The following CTBP2 variants were observed in gnomAD, a reference collection of about 807,000 sequenced individuals.
CTBP2 encodes the protein C-terminal binding protein 2.
A neutral mutation model predicts 80.3 loss-of-function variants in CTBP2; 30 were observed. The observed-to-expected ratio is 0.37, with a 90% CI of 0.28 to 0.51. The LOEUF (loss-of-function observed/expected upper bound fraction) is 0.51. CTBP2 is among the 20% of genes least tolerant of loss of function. The pLI, the probability that CTBP2 is intolerant of heterozygous loss-of-function variation, is 0.93. For synonymous variants in CTBP2, 594 were observed against 587.4 expected (o/e 1.01, Z -0.16); for missense variants, 1,212 against 1,375.3 (o/e 0.88, Z 1.88).
intron 1 of CTBP2, among the ~76,000 whole-genome samples, chr10:125,159,259 A>G (rs1861501477): frequency 6.7e-6 from 1 of 150,030 alleles, no homozygotes; most frequent in East Asian, 2.0e-4. Flanking sequence ...CCCTCCTGCT[A>G]AACTTTTTCT....
chr10:125,053,473 G>T (rs1963235749), intron 2 of CTBP2, among the ~76,000 whole-genome samples: 1 of 152,168 alleles, frequency 6.6e-6, no homozygotes, highest in East Asian at 1.9e-4. Flanking sequence ...GTCCTCTCCA[G>T]GCCCCTCCCA....
At chr10:125,082,310 G>A (rs1847292950) in intron 2 of CTBP2, among the ~76,000 whole-genome samples, 1 of 152,098 alleles carries the variant, frequency 6.6e-6, no homozygotes, top group South Asian at 2.1e-4. Flanking sequence ...TTAAGTCCTC[G>A]TCCATGCTCC....
At chr10:125,123,127 G>C (rs1854610352) in intron 1 of CTBP2, among the ~76,000 whole-genome samples, 1 of 152,226 alleles carries the variant, frequency 6.6e-6, no homozygotes. Flanking sequence ...CTGGGTCTTA[G>C]AAGCTGGTCA....
At position 125,111,063 on chromosome 10, in the gene CTBP2, T is replaced by C. The variant is rs938990826; in HGVS notation, c.-175A>G. On this transcript the variant is annotated 5_prime_UTR_variant, in exon 2 of 11. It removes an upstream start codon present in the reference 5' UTR. Transcript: ENST00000337195. ...GTCTTTTTAAGGGAATACACCTTCA[T>C]TGGTTCAAAACCATTTAAGGTGATG... The C allele has an allele frequency of 1.3e-5, 2 of 152,646 alleles. No homozygotes were observed. The highest frequency in any genetic ancestry group is 2.9e-5 in the Non-Finnish European group (2 of 68,044). 9.5% of individuals were successfully genotyped at this position (152,646 alleles called of 1,614,324 possible).
intron 8 of CTBP2, among the ~76,000 whole-genome samples, chr10:124,991,899 G>GT (rs1274484882): frequency 9.8e-6 from 1 of 102,306 alleles, no homozygotes; most frequent in Non-Finnish European, 2.0e-5. Flanking sequence ...ATAATGGGGG[G>GT]GGGGGTGTGG....
At chr10:125,123,184 G>A (rs529159993) in intron 1 of CTBP2, among the ~76,000 whole-genome samples, 88 of 152,114 alleles carry the variant, frequency 5.8e-4, no homozygotes, top group African/African-American at 2.0e-3. Flanking sequence ...GCTGGGGACC[G>A]TCCTGGCCAC....
intron 1 of CTBP2, among the ~76,000 whole-genome samples, chr10:125,017,207 G>A (rs753066229): frequency 3.3e-5 from 5 of 152,242 alleles, no homozygotes; most frequent in Admixed American, 6.5e-5. Context: ...AAGGTGACAC[G>A]CAGGAGGCTG....
rs1425854687 is a variant in CTBP2 at position 125,088,600 on chromosome 10, T to C, written c.-102+22390A>G. On this transcript the variant is annotated intron_variant, in intron 2 of 10. Coordinates refer to the CTBP2 transcript ENST00000337195. The stretch of plus-strand genomic sequence containing the variant: ...CCCGGATAACCTCAGGATTGATCAC[T>C]ATTGCTCATTACCTTCTGAACTGCA... Among the ~76,000 whole-genome samples, 3 of 152,270 alleles carry C rather than the reference T, an allele frequency of 2.0e-5. No homozygotes were observed. In the East Asian group the frequency reaches 5.8e-4, roughly 29 times the overall value.
At position 125,014,848 on chromosome 10, in the gene CTBP2, C is replaced by T. The variant is rs570619325; in HGVS notation, c.1678+11234G>A. 3.9e-5 allele frequency among the ~76,000 whole-genome samples: 6 copies of T among 152,346 alleles called. No individual in the cohort carries two copies. In the East Asian group the frequency reaches 1.2e-3, roughly 29 times the overall value. On this transcript the variant is annotated intron_variant, in intron 1 of 8. Transcript: ENST00000309035. ...CTCTCCAGGTTGAGCCACCAGCAGC[C>T]GCCTTGGCCGGCAGGGACGCCCTTC...
chr10:125,023,031 C>T (rs1957206580), intron 1 of CTBP2, among the ~76,000 whole-genome samples: 1 of 152,192 alleles, frequency 6.6e-6, no homozygotes, highest in Non-Finnish European at 1.5e-5. Context: ...ACCGAGGCCA[C>T]ACGAAAAGAA....
intron 1 of CTBP2, among the ~76,000 whole-genome samples, chr10:125,148,173 G>A (rs1220400337): frequency 2.6e-5 from 4 of 152,192 alleles, no homozygotes; most frequent in Non-Finnish European, 5.9e-5. Context: ...GTGTTTGAAA[G>A]GAAGAAAGAC....
chr10:125,090,871 C>T lies in CTBP2; in HGVS notation c.-102+20119G>A, dbSNP rs59989079. Among the ~76,000 whole-genome samples the T allele has an allele frequency of 7.2e-5, 11 of 152,272 alleles. No individual in the cohort carries two copies. In the East Asian group the frequency reaches 2.1e-3, roughly 29 times the overall value. ...GTGCTTACGTCTCCAAGCACTGGTC[C>T]ATGTAATTTGCAGGTACTAAGTCAT... On this transcript the variant is annotated intron_variant, in intron 2 of 10. Transcript: ENST00000337195.
chr10:125,026,008 T>C, intron 1 of CTBP2: 1 of 1,509,916 alleles, frequency 6.6e-7, no homozygotes, highest in South Asian at 1.3e-5. Flanking sequence ...CATCCTATGT[T>C]CAAACTTCTA....
At chr10:125,065,173 A>G (rs1421946064) in intron 2 of CTBP2, among the ~76,000 whole-genome samples, 1 of 152,124 alleles carries the variant, frequency 6.6e-6, no homozygotes, top group Non-Finnish European at 1.5e-5. Context: ...TGCTTGACAG[A>G]CTGTTCTTTG....
intron 1 of CTBP2, among the ~76,000 whole-genome samples, chr10:125,132,967 G>A (rs1856421491): frequency 6.6e-6 from 1 of 152,136 alleles, no homozygotes; most frequent in Non-Finnish European, 1.5e-5. Context: ...AGTCTTTTTT[G>A]ACAAGTGACA....
chr10:125,159,424 C>T (rs1304602892), intron 1 of CTBP2, among the ~76,000 whole-genome samples: 1 of 145,036 alleles, frequency 6.9e-6, no homozygotes. Context: ...CCCCCGCCCG[C>T]GCCCGCCGCC....
chr10:125,103,349 A>C (rs778881781), intron 2 of CTBP2, among the ~76,000 whole-genome samples: 4 of 152,176 alleles, frequency 2.6e-5, no homozygotes, highest in Admixed American at 6.5e-5. Flanking sequence ...GGGGACAATG[A>C]GCTCAAGGAG....
chr10:125,139,400 G>T (rs1857446322), intron 1 of CTBP2, among the ~76,000 whole-genome samples: 2 of 148,362 alleles, frequency 1.3e-5, no homozygotes, highest in South Asian at 2.1e-4. Context: ...AAAAAAAGAT[G>T]GTAGCTACTA....
At chr10:125,127,049 AAGG>A (rs1293844645) in intron 1 of CTBP2, among the ~76,000 whole-genome samples, 3 of 152,220 alleles carry the variant, frequency 2.0e-5, no homozygotes, top group Non-Finnish European at 4.4e-5. Flanking sequence ...CTTTGTCCTC[AAGG>A]AGTTCAAACA....
Sources: gnomAD v4.1 joint callset for allele counts (sites outside exome capture counted in the v4.1 genomes callset) on GRCh38, gnomAD v4.1.1 for gene constraint, MANE v1.5 for transcripts, NCBI Gene and HGNC (gene_info 2026-07-23, HGNC 2026-07-21) for gene names.